Variants in RSBN1 observed in about 807,000 individuals in gnomAD.
RSBN1 encodes the protein lysine-specific demethylase 9.
In RSBN1, 23 loss-of-function variants were observed where a neutral mutation model predicts 74.8. That is an observed-to-expected ratio of 0.31 (90% CI 0.22 to 0.44). The LOEUF (loss-of-function observed/expected upper bound fraction) is 0.44. Among genes scored for constraint, RSBN1 ranks in the 20% least tolerant of loss-of-function variants. The pLI is 1.00. For missense variants in RSBN1, 808 were observed against 1,020.9 expected, an observed-to-expected ratio of 0.79 and a Z score of 2.84; for synonymous variants, 407 against 379.6, an observed-to-expected ratio of 1.07 and a Z score of -0.84.
chr1:113,810,485 A>G (rs1453138968), intron 1 of RSBN1, among the ~76,000 whole-genome samples: 1 of 152,160 alleles, frequency 6.6e-6, no homozygotes, highest in Non-Finnish European at 1.5e-5. Context: ...TGGTGGTGAA[A>G]ACTGGCAGTC....
rs372091264 is a variant in RSBN1, at chr1:113,766,007, C to G, written c.2382G>C (p.Leu794=). The G allele has an allele frequency of 3.1e-6, 5 of 1,612,994 alleles. No homozygotes were observed. The highest frequency in any genetic ancestry group is 8.5e-7 in the Non-Finnish European group (1 of 1,179,204). ...SRLDSDQQHN[L]QEHSTTSV ...ACACAGAAGTGGTTGAATGTTCTTG[C>G]AGATTGTGTTGCTGGTCAGAGTCCA... The change falls in exon 7 of 7, where the codon CTG becomes CTC. Residue 794 remains leucine (L), a synonymous_variant. Coordinates refer to ENST00000261441, the MANE Select transcript of RSBN1 (RefSeq NM_018364.5).
At chr1:113,771,313 A>G (rs928265583) in intron 4 of RSBN1, among the ~76,000 whole-genome samples, 2 of 152,116 alleles carry the variant, frequency 1.3e-5, no homozygotes, top group African/African-American at 4.8e-5. Context: ...TTTCAGACAT[A>G]TAATAACTCA....
chr1:113,769,602 T>C (rs535851598), intron 4 of RSBN1, among the ~76,000 whole-genome samples: 1 of 152,308 alleles, frequency 6.6e-6, no homozygotes, highest in Admixed American at 6.5e-5. Context: ...CTAAAGATGA[T>C]AGTGAATAAG....
chr1:113,766,786 C>CA (rs1203477758), intron 6 of RSBN1, among the ~76,000 whole-genome samples: 4 of 152,156 alleles, frequency 2.6e-5, no homozygotes, highest in African/African-American at 9.7e-5. Flanking sequence ...GTGTGTCTTT[C>CA]AGCCTTTTGC....
At chr1:113,780,230 G>A (rs995528847) in intron 2 of RSBN1, among the ~76,000 whole-genome samples, 2 of 152,150 alleles carry the variant, frequency 1.3e-5, no homozygotes, top group African/African-American at 4.8e-5. Flanking sequence ...CAAAACTCAA[G>A]ACCAATCCTA....
intron 2 of RSBN1, among the ~76,000 whole-genome samples, chr1:113,786,869 T>G (rs973446285): frequency 1.3e-5 from 2 of 152,142 alleles, no homozygotes; most frequent in African/African-American, 4.8e-5. Flanking sequence ...TTTCTAAATT[T>G]TCTATCTTGC....
chr1:113,811,291 AACC>A (rs1235143545), intron 1 of RSBN1, among the ~76,000 whole-genome samples: 1 of 152,212 alleles, frequency 6.6e-6, no homozygotes, highest in East Asian at 1.9e-4. Flanking sequence ...GAAAGACTGG[AACC>A]ATACCCCTGA....
intron 4 of RSBN1, among the ~76,000 whole-genome samples, chr1:113,771,874 T>C (rs893717487): frequency 6.7e-6 from 1 of 149,604 alleles, no homozygotes. Context: ...CACTTTTTTA[T>C]GTTCCTACCT....
Position 113,763,872 on chromosome 1 carries a change from T to A in RSBN1, c.*2108A>T, listed in dbSNP as rs1445313292. On this transcript the variant is annotated 3_prime_UTR_variant, in exon 7 of 7. Coordinates refer to ENST00000261441, the MANE Select transcript of RSBN1 (RefSeq NM_018364.5). ...GTTTATTAGCAATGACCAGCTTGGA[T>A]GACAGATGGCATCTGCTGGATGGCA... 6.6e-6 allele frequency: 1 copy of A among 152,606 alleles called. No individual in the cohort carries two copies. Among genetic ancestry groups the A allele is most frequent in the Non-Finnish European group, 1.5e-5 (1 of 68,018 alleles). The allele number at this position is 152,606 out of a possible 1,614,324, so 9.5% of individuals were successfully genotyped here.
At chr1:113,771,144 A>G (rs1249858877) in intron 4 of RSBN1, among the ~76,000 whole-genome samples, 1 of 152,152 alleles carries the variant, frequency 6.6e-6, no homozygotes, top group Non-Finnish European at 1.5e-5. Flanking sequence ...AAAAAATAGG[A>G]TACCTACAAA....
chr1:113,800,983 A>AC (rs1013442639), intron 1 of RSBN1, among the ~76,000 whole-genome samples: 1 of 145,808 alleles, frequency 6.9e-6, no homozygotes, highest in African/African-American at 2.5e-5. Flanking sequence ...CTGTTTTTCA[A>AC]TTTTTTTTTT....
rs777076782 is a variant in RSBN1, at chr1:113,811,782, GATCGGTTCCGCAGGAGCTGGGATCACC to G, written c.604_630del (p.Gly202_Asp210del). The G allele has an allele frequency of 6.2e-7, 1 of 1,613,736 alleles. No homozygotes were observed. Among genetic ancestry groups the G allele is most frequent in the Non-Finnish European group, 8.5e-7 (1 of 1,179,922 alleles). On this transcript the variant is annotated inframe_deletion, in exon 1 of 7. Coordinates refer to ENST00000261441, the MANE Select transcript of RSBN1 (RefSeq NM_018364.5). ...TTTTCCTGCTTGTCCTTGTGCTTGAGATCGGTTCCGCAGGAGCTGGGATCACCATCGGGGCCGCGGTGGTGATGGTGC... is the reference window on the plus strand; with the variant it reads ...TTTTCCTGCTTGTCCTTGTGCTTGAGATCGGGGCCGCGGTGGTGATGGTGC...
At chr1:113,787,742 TGTG>T (rs1474225959) in intron 2 of RSBN1, among the ~76,000 whole-genome samples, 2 of 152,250 alleles carry the variant, frequency 1.3e-5, no homozygotes, top group African/African-American at 4.8e-5. Context: ...CTGACAAAAA[TGTG>T]GTAGATTTTT....
At chr1:113,810,384 A>AACACACAC (rs113663525) in intron 1 of RSBN1, among the ~76,000 whole-genome samples, 11 of 146,730 alleles carry the variant, frequency 7.5e-5, no homozygotes, top group South Asian at 2.2e-4. Context: ...GTACAGTTAA[A>AACACACAC]ACACACACAC....
At chr1:113,799,736 T>C (rs1660544615) in intron 1 of RSBN1, among the ~76,000 whole-genome samples, 1 of 152,192 alleles carries the variant, frequency 6.6e-6, no homozygotes, top group Admixed American at 6.5e-5. Context: ...AACATATTAC[T>C]TTTATAATTT....
At chr1:113,779,130 C>A (rs1660087413) in intron 2 of RSBN1, among the ~76,000 whole-genome samples, 1 of 152,042 alleles carries the variant, frequency 6.6e-6, no homozygotes, top group Non-Finnish European at 1.5e-5. Flanking sequence ...AATTTAAAAG[C>A]CTAACATATA....
Position 113,767,162 on chromosome 1 carries a change from A to G in RSBN1, c.1872T>C (p.Ala624=). Residue 624 remains alanine (A), a synonymous_variant, in exon 6 of 7, where the codon GCT becomes GCC. Transcript: ENST00000261441. ...RITKDVICFH[A]EDFTDVVQRL... is the part of the protein sequence containing the mutation. ...TTTGTACAACATCAGTAAAATCCTC[A>G]GCATGAAAACAAATCACATCTTTGG... 1 of 1,612,386 alleles carries G rather than the reference A, an allele frequency of 6.2e-7. No homozygotes were observed. Among genetic ancestry groups the G allele is most frequent in the Non-Finnish European group, 8.5e-7 (1 of 1,179,146 alleles).
At chr1:113,782,547 C>G (rs1338181871) in intron 2 of RSBN1, among the ~76,000 whole-genome samples, 1 of 152,124 alleles carries the variant, frequency 6.6e-6, no homozygotes, top group Admixed American at 6.5e-5. Flanking sequence ...CAAAAATGGT[C>G]AAGGACAACT....
In RSBN1 at chr1:113,811,905, G is replaced by A. The variant is rs762812043; in HGVS notation, c.508C>T (p.Leu170Phe). The change falls in exon 1 of 7, where the codon CTC becomes TTC. Residue 170 changes from leucine to phenylalanine, a missense_variant. By Grantham distance (22) the Leu-to-Phe change is conservative (BLOSUM62 0). This residue lies in a region of RSBN1 where 464 missense variants were observed against 401.0 expected (regional missense o/e 1.16). Coordinates refer to ENST00000261441, the MANE Select transcript of RSBN1 (RefSeq NM_018364.5). ...ACCGTCAGAGGCGAGAAGGTGAAGAGGGCCGAGGTGCTTGGGGCCGGGAGA... is the reference window on the plus strand; with the variant it reads ...ACCGTCAGAGGCGAGAAGGTGAAGAAGGCCGAGGTGCTTGGGGCCGGGAGA... ...APLPAPSTSA[L>F]FTFSPLTVSA... 6 of 1,609,588 alleles carry A rather than the reference G, an allele frequency of 3.7e-6. No individual in the cohort carries two copies. Among genetic ancestry groups the A allele is most frequent in the South Asian group, 1.1e-5 (1 of 90,886 alleles).
Sources: allele counts gnomAD v4.1 joint callset (sites outside exome capture counted in the v4.1 genomes callset), GRCh38; gene constraint gnomAD v4.1.1; regional missense constraint gnomAD v4.1.1; transcripts MANE v1.5; gene names NCBI Gene and HGNC (gene_info 2026-07-23, HGNC 2026-07-21).